The following EPHB1 variants were observed in gnomAD, a reference collection of about 807,000 sequenced individuals.
EPHB1 encodes the protein EPH receptor B1.
In EPHB1, 30 loss-of-function variants were observed where a neutral mutation model predicts 94.4. That is an observed-to-expected ratio of 0.32 (90% CI 0.24 to 0.43). EPHB1 has a LOEUF of 0.43. Ranked by LOEUF, EPHB1 falls within the 20% of genes least tolerant of loss-of-function variation. The pLI, the probability that EPHB1 is intolerant of heterozygous loss-of-function variation, is 1.00. For synonymous variants in EPHB1, 522 were observed against 489.1 expected (o/e 1.07, Z -0.89); for missense variants, 1,055 against 1,308.3 (o/e 0.81, Z 2.99).
At chr3:135,078,267 A>G (rs1938019693) in intron 3 of EPHB1, among the ~76,000 whole-genome samples, 1 of 152,144 alleles carries the variant, frequency 6.6e-6, no homozygotes, top group African/African-American at 2.4e-5. Context: ...GAAGAAGCTG[A>G]TATCTCCTCC....
chr3:134,997,480 G>A (rs902636352), intron 3 of EPHB1, among the ~76,000 whole-genome samples: 5 of 151,840 alleles, frequency 3.3e-5, no homozygotes, highest in Admixed American at 1.3e-4. Context: ...AATCTTTATT[G>A]TCTGCCTGTG....
chr3:134,936,577 C>A (rs1039911721), intron 2 of EPHB1, among the ~76,000 whole-genome samples: 13 of 152,138 alleles, frequency 8.5e-5, no homozygotes, highest in Admixed American at 4.6e-4. Flanking sequence ...ACGCGCCCCC[C>A]CCTCCATTTG....
chr3:134,916,408 C>T (rs1011960022), intron 1 of EPHB1, among the ~76,000 whole-genome samples: 31 of 152,282 alleles, frequency 2.0e-4, no homozygotes, highest in African/African-American at 7.0e-4. Flanking sequence ...GAGCAGGGGG[C>T]GGTGCTCGTC....
At position 134,951,518 on chromosome 3, in the gene EPHB1, T is replaced by G. The variant is rs1435620672; in HGVS notation, c.271T>G (p.Phe91Val). The change falls in exon 3 of 16, where the codon TTC becomes GTC. Residue 91 changes from phenylalanine to valine, a missense_variant. Coordinates refer to ENST00000398015, the MANE Select transcript of EPHB1 (RefSeq NM_004441.5). This position sits in a 1 kb window ranked among gnomAD's most constrained non-coding sequence, Gnocchi z 4.5. ...CCATCGCATCTACACAGAGATGCGCTTCACTGTGAGAGACTGCAGCAGCCT... is the reference window on the plus strand; with the variant it reads ...CCATCGCATCTACACAGAGATGCGCGTCACTGTGAGAGACTGCAGCAGCCT... Reference protein sequence around the residue: ...GAHRIYTEMRFTVRDCSSLPN... With the variant: ...GAHRIYTEMRVTVRDCSSLPN... The G allele has an allele frequency of 6.2e-7, 1 of 1,613,866 alleles. No homozygotes were observed. Among genetic ancestry groups the G allele is most frequent in the East Asian group, 2.2e-5 (1 of 44,854 alleles).
chr3:134,999,073 A>G (rs1212401343), intron 3 of EPHB1, among the ~76,000 whole-genome samples: 2 of 152,206 alleles, frequency 1.3e-5, no homozygotes, highest in African/African-American at 2.4e-5. Context: ...TATGCAGGGT[A>G]GTGAGTCAAG....
intron 15 of EPHB1, among the ~76,000 whole-genome samples, chr3:135,252,180 AATTTT>A (rs1053581686): frequency 1.6e-3 from 238 of 151,602 alleles, no homozygotes; most frequent in African/African-American, 3.7e-3. Context: ...TCCATAGCTT[AATTTT>A]ATTTTATTTT....
rs111495214 is a variant in EPHB1 at position 135,251,509 on chromosome 3, T to A, written c.2846+2018T>A. Among the ~76,000 whole-genome samples, 215 of 152,192 alleles carry A rather than the reference T, an allele frequency of 1.4e-3. 2 individuals carry two copies. The highest frequency in any genetic ancestry group is 5.0e-3 in the African/African-American group (206 of 41,510). On this transcript the variant is annotated intron_variant, in intron 15 of 15. Transcript: ENST00000398015. ...CCAAAAGGAAAGTGAAACTATAAAT[T>A]AAGGGATTTCATTCAAAGTAAAACA...
chr3:135,173,656 G>A (rs139279889), intron 9 of EPHB1, among the ~76,000 whole-genome samples: 55 of 152,240 alleles, frequency 3.6e-4, no homozygotes, highest in African/African-American at 1.2e-3. Context: ...GTCAGCCTTC[G>A]CTAGTTGGTT....
intron 9 of EPHB1, among the ~76,000 whole-genome samples, chr3:135,171,149 GA>G (rs1941791451): frequency 6.6e-6 from 1 of 151,992 alleles, no homozygotes; most frequent in South Asian, 2.1e-4. Context: ...TGATCACTGG[GA>G]ACCCCCAAAG....
intron 3 of EPHB1, among the ~76,000 whole-genome samples, chr3:134,983,203 AGT>A (rs1025780170): frequency 1.3e-5 from 2 of 152,126 alleles, no homozygotes; most frequent in African/African-American, 4.8e-5. Flanking sequence ...TTCATTGGCG[AGT>A]GTGTGTGTAC....
intron 3 of EPHB1, among the ~76,000 whole-genome samples, chr3:135,065,039 G>A (rs1937563550): frequency 6.6e-6 from 1 of 151,870 alleles, no homozygotes; most frequent in African/African-American, 2.4e-5. Flanking sequence ...AGTTGATTTT[G>A]TTTTATTCCA....
chr3:134,871,130 A>G (rs1042300793), intron 1 of EPHB1, among the ~76,000 whole-genome samples: 2 of 152,202 alleles, frequency 1.3e-5, no homozygotes, highest in Non-Finnish European at 2.9e-5. Context: ...TCATAAGAAT[A>G]CTTTGTCACT....
At chr3:135,212,354 C>T (rs1461709383) in intron 12 of EPHB1, among the ~76,000 whole-genome samples, 2 of 152,016 alleles carry the variant, frequency 1.3e-5, no homozygotes, top group Non-Finnish European at 2.9e-5. Context: ...TTCTCTGGCT[C>T]TTTATACATC....
chr3:135,096,471 A>G lies in EPHB1; in HGVS notation c.806-9977A>G, dbSNP rs140413742. 4.9e-3 allele frequency among the ~76,000 whole-genome samples: 741 copies of G among 152,312 alleles called. 7 individuals are homozygous for G. Among genetic ancestry groups the G allele is most frequent in the African/African-American group, 0.017 (708 of 41,572 alleles). Reference sequence around the variant, plus strand: ...TTTTCTGGTTCAGTAGGCCTGGAGGAGGATCTGAGATTCTGTGTTTCTATA... The same window carrying G: ...TTTTCTGGTTCAGTAGGCCTGGAGGGGGATCTGAGATTCTGTGTTTCTATA... On this transcript the variant is annotated intron_variant, in intron 3 of 15. Transcript: ENST00000398015.
intron 3 of EPHB1, among the ~76,000 whole-genome samples, chr3:134,977,161 G>A (rs928774305): frequency 2.6e-5 from 4 of 152,154 alleles, no homozygotes; most frequent in African/African-American, 9.6e-5. Flanking sequence ...TACACTAGAG[G>A]AGGCACTTGT....
At chr3:135,169,447 T>C (rs1384764009) in intron 9 of EPHB1, among the ~76,000 whole-genome samples, 2 of 152,220 alleles carry the variant, frequency 1.3e-5, no homozygotes, top group African/African-American at 4.8e-5. Flanking sequence ...TGATCCAACC[T>C]TGGGCACCTG....
intron 4 of EPHB1, among the ~76,000 whole-genome samples, chr3:135,119,124 T>C (rs1939839476): frequency 6.6e-6 from 1 of 152,160 alleles, no homozygotes; most frequent in African/African-American, 2.4e-5. Flanking sequence ...TATAAATGAG[T>C]GTGTATTTTT....
In EPHB1 at chr3:135,224,140, G is replaced by A. The variant is rs1464760973; in HGVS notation, c.2347-17008G>A. 2.0e-5 allele frequency among the ~76,000 whole-genome samples: 3 copies of A among 152,162 alleles called. No homozygotes were observed. In the East Asian group the frequency reaches 5.8e-4, roughly 29 times the overall value. On this transcript the variant is annotated intron_variant, in intron 12 of 15. Coordinates refer to ENST00000398015, the MANE Select transcript of EPHB1 (RefSeq NM_004441.5). ...CTATACAGGTTTGTAGCCTAGGTGT[G>A]TAGTGAGCTATCCCATTTAGGTTAG...
chr3:135,054,048 C>T (rs1458701816), intron 3 of EPHB1, among the ~76,000 whole-genome samples: 1,523 of 148,014 alleles, frequency 0.01, 31 homozygotes, highest in African/African-American at 0.038. Flanking sequence ...TATACACACA[C>T]ACACACACAC....
Sources: allele counts gnomAD v4.1 joint callset (sites outside exome capture counted in the v4.1 genomes callset), GRCh38; gene constraint gnomAD v4.1.1; non-coding constraint Gnocchi (gnomAD v3.1); transcripts MANE v1.5; gene names NCBI Gene and HGNC (gene_info 2026-07-23, HGNC 2026-07-21).